The following ANO3 variants were observed in gnomAD, a reference collection of about 807,000 sequenced individuals.
ANO3 encodes the protein anoctamin-3.
Under a neutral mutation model 144.8 loss-of-function variants are expected in ANO3, and 99 were observed. The ratio of observed to expected loss-of-function variants is 0.68; its 90% confidence interval spans 0.58 to 0.81. ANO3 has a LOEUF of 0.81. Among genes scored for constraint, ANO3 ranks in the 30% least tolerant of loss-of-function variants. ANO3 has a pLI of 0.00. For synonymous variants in ANO3, 414 were observed against 392.6 expected, an observed-to-expected ratio of 1.05 and a Z score of -0.64; for missense variants, 905 against 1,202.2, an observed-to-expected ratio of 0.75 and a Z score of 3.66.
At chr11:26,400,756 G>A (rs1474649017) in intron 1 of ANO3, among the ~76,000 whole-genome samples, 1 of 151,224 alleles carries the variant, frequency 6.6e-6, no homozygotes, top group East Asian at 2.0e-4. Context: ...AAGAAAATGG[G>A]ATTTCCATTA....
intron 1 of ANO3, among the ~76,000 whole-genome samples, chr11:26,209,162 C>T (rs1851879192): frequency 6.6e-6 from 1 of 152,150 alleles, no homozygotes; most frequent in Non-Finnish European, 1.5e-5. Context: ...TACCCCTTGA[C>T]AGGCCCCAGT....
intron 1 of ANO3, among the ~76,000 whole-genome samples, chr11:26,376,772 T>C (rs1856423621): frequency 6.6e-6 from 1 of 152,200 alleles, no homozygotes. Flanking sequence ...ATGAATTTTG[T>C]ACTTTATTTA....
intron 11 of ANO3, among the ~76,000 whole-genome samples, chr11:26,545,403 T>C (rs1240964846): frequency 2.0e-5 from 3 of 152,030 alleles, no homozygotes; most frequent in Non-Finnish European, 2.9e-5. Context: ...TTTCCCATTT[T>C]AAAAATAAAT....
intron 1 of ANO3, among the ~76,000 whole-genome samples, chr11:26,440,398 G>A (rs967276918): frequency 2.0e-5 from 3 of 152,054 alleles, no homozygotes; most frequent in African/African-American, 7.2e-5. Flanking sequence ...ATGACAGGGG[G>A]TGTTTAGGAA....
At chr11:26,366,408 G>C (rs1333035331) in intron 1 of ANO3, among the ~76,000 whole-genome samples, 1 of 152,106 alleles carries the variant, frequency 6.6e-6, no homozygotes, top group Non-Finnish European at 1.5e-5. Context: ...ATTTGGGTTG[G>C]TTCCAAGTCT....
chr11:26,521,804 C>A (rs1862088093), intron 6 of ANO3, among the ~76,000 whole-genome samples: 1 of 152,162 alleles, frequency 6.6e-6, no homozygotes, highest in South Asian at 2.1e-4. Flanking sequence ...AGATGGAGTA[C>A]CCAGATAGGG....
intron 1 of ANO3, among the ~76,000 whole-genome samples, chr11:26,208,588 C>T (rs1851867225): frequency 6.6e-6 from 1 of 151,854 alleles, no homozygotes; most frequent in South Asian, 2.1e-4. Context: ...TTGCACTTTA[C>T]TTGCTGAACA....
intron 1 of ANO3, among the ~76,000 whole-genome samples, chr11:26,271,504 A>G (rs1307794981): frequency 6.6e-6 from 1 of 152,214 alleles, no homozygotes; most frequent in African/African-American, 2.4e-5. Flanking sequence ...ATTATCCAGG[A>G]CAACATCTAT....
At chr11:26,561,824 C>A (rs1460874604) in intron 14 of ANO3, among the ~76,000 whole-genome samples, 6 of 151,840 alleles carry the variant, frequency 4.0e-5, no homozygotes, top group African/African-American at 1.4e-4. Flanking sequence ...TCCTAAAGAT[C>A]TTGAATTCAT....
chr11:26,230,916 GGA>G (rs1352801259), intron 1 of ANO3, among the ~76,000 whole-genome samples: 2 of 128,102 alleles, frequency 1.6e-5, no homozygotes, highest in Non-Finnish European at 3.2e-5. Context: ...TTTTTTAGAT[GGA>G]GTCTCCCTCT....
At chr11:26,416,440 T>C (rs149664673) in intron 1 of ANO3, among the ~76,000 whole-genome samples, 4,771 of 152,018 alleles carry the variant, frequency 0.031, 106 homozygotes, top group Non-Finnish European at 0.049. Context: ...TTCTTTCTTT[T>C]TTTTTGAGAC....
chr11:26,372,535 C>T (rs1856290889), intron 1 of ANO3, among the ~76,000 whole-genome samples: 1 of 152,154 alleles, frequency 6.6e-6, no homozygotes, highest in African/African-American at 2.4e-5. Flanking sequence ...ATAAATTTTC[C>T]TATTAATTCA....
At chr11:26,396,681 C>G (rs1857022484) in intron 1 of ANO3, among the ~76,000 whole-genome samples, 1 of 151,972 alleles carries the variant, frequency 6.6e-6, no homozygotes, top group Non-Finnish European at 1.5e-5. Context: ...TCTCAGCAAA[C>G]TAACACAGGA....
intron 1 of ANO3, among the ~76,000 whole-genome samples, chr11:26,401,381 G>T (rs889795068): frequency 1.3e-5 from 2 of 152,016 alleles, no homozygotes; most frequent in Non-Finnish European, 2.9e-5. Flanking sequence ...GAATGCTCCT[G>T]CTAGAGAAAG....
chr11:26,637,753 G>A (rs982222849), intron 20 of ANO3, among the ~76,000 whole-genome samples: 8 of 142,856 alleles, frequency 5.6e-5, no homozygotes, highest in Non-Finnish European at 1.1e-4. Flanking sequence ...TACTGGGCTG[G>A]AACAGGAAAA....
At chr11:26,211,568 C>G (rs1851933495) in intron 1 of ANO3, among the ~76,000 whole-genome samples, 1 of 152,084 alleles carries the variant, frequency 6.6e-6, no homozygotes, top group Non-Finnish European at 1.5e-5. Context: ...ACAACAGATG[C>G]TGGAGCGGAT....
chr11:26,229,322 A>G (rs1246890016), intron 1 of ANO3, among the ~76,000 whole-genome samples: 2 of 152,240 alleles, frequency 1.3e-5, no homozygotes, highest in Non-Finnish European at 2.9e-5. Flanking sequence ...GCTTTGAGTC[A>G]TAAGGTTGGT....
chr11:26,307,815 T>C (rs1025516862), upstream of ANO3, among the ~76,000 whole-genome samples: 2 of 151,684 alleles, frequency 1.3e-5, no homozygotes, highest in African/African-American at 4.8e-5. Flanking sequence ...CATGATTGAA[T>C]TGCACTACGT....
intron 1 of ANO3, among the ~76,000 whole-genome samples, chr11:26,420,537 A>G (rs1054023885): frequency 6.6e-6 from 1 of 152,062 alleles, no homozygotes; most frequent in Non-Finnish European, 1.5e-5. Context: ...GATGTAGATA[A>G]GAGAGAGGTT....
Sources: allele counts gnomAD v4.1 joint callset (sites outside exome capture counted in the v4.1 genomes callset), GRCh38; gene constraint gnomAD v4.1.1; transcripts MANE v1.5; gene names NCBI Gene and HGNC (gene_info 2026-07-23, HGNC 2026-07-21).